Variants in TRIQK observed in about 807,000 individuals in gnomAD.
TRIQK encodes the protein triple QxxK/R motif-containing protein.
TRIQK carries 10 observed loss-of-function variants against 10.8 expected under a neutral mutation model. The ratio of observed to expected loss-of-function variants is 0.92; its 90% confidence interval spans 0.57 to 1.57. TRIQK has a LOEUF of 1.57. Ranked by LOEUF, TRIQK falls within the 40% of genes most tolerant of loss-of-function variation. The probability of loss-of-function intolerance (pLI) is 0.00; values close to 1 mark genes in which losing one functional copy is unlikely to be tolerated. For synonymous variants in TRIQK, 33 were observed against 33.7 expected, an observed-to-expected ratio of 0.98 and a Z score of 0.07; for missense variants, 107 against 97.7, an observed-to-expected ratio of 1.09 and a Z score of -0.40.
chr8:92,948,719 T>C (rs80069623), intron 2 of TRIQK, among the ~76,000 whole-genome samples: 1,967 of 152,306 alleles, frequency 0.013, 26 homozygotes, highest in Non-Finnish European at 0.022. Context: ...ATATACTCAA[T>C]AGACATTTTT....
chr8:92,917,563 C>T (rs887108382), intron 2 of TRIQK, among the ~76,000 whole-genome samples: 2 of 151,864 alleles, frequency 1.3e-5, no homozygotes, highest in Non-Finnish European at 2.9e-5. Context: ...ATGCTTATTA[C>T]CTTATATGCA....
At chr8:92,991,917 G>C (rs1250881020) in intron 1 of TRIQK, among the ~76,000 whole-genome samples, 1 of 152,056 alleles carries the variant, frequency 6.6e-6, no homozygotes, top group East Asian at 1.9e-4. Flanking sequence ...GCTACAAAGA[G>C]AATAAAATAC....
At chr8:93,011,163 T>C (rs1813328201) in intron 1 of TRIQK, among the ~76,000 whole-genome samples, 2 of 146,654 alleles carry the variant, frequency 1.4e-5, no homozygotes. Flanking sequence ...TGAATGTGTG[T>C]GTGTATACAC....
At chr8:92,952,724 T>C (rs1811970121) in intron 2 of TRIQK, among the ~76,000 whole-genome samples, 1 of 152,020 alleles carries the variant, frequency 6.6e-6, no homozygotes. Flanking sequence ...TACAAAGGTA[T>C]GACAGTCATT....
At chr8:92,944,112 A>G (rs1811402167) in intron 2 of TRIQK, among the ~76,000 whole-genome samples, 2 of 152,182 alleles carry the variant, frequency 1.3e-5, no homozygotes, top group Admixed American at 6.5e-5. Context: ...TTATATTAAA[A>G]TATCATTAAT....
rs116303505 is a variant in TRIQK at position 92,919,397 on chromosome 8, T to A, written c.-21-2387A>T. ...ACTTTTTCAGCATCTACTGAAATAA[T>A]CGTATGGTGTTTATTCTTGATTCTG... On this transcript the variant is annotated intron_variant, in intron 2 of 4. Transcript: ENST00000521988. Among the ~76,000 whole-genome samples, 925 of 151,996 alleles carry A rather than the reference T, an allele frequency of 6.1e-3. 9 individuals carry two copies. The highest frequency in any genetic ancestry group is 0.021 in the African/African-American group (863 of 41,526).
chr8:92,940,142 G>T (rs996370195), intron 2 of TRIQK, among the ~76,000 whole-genome samples: 15 of 152,048 alleles, frequency 9.9e-5, no homozygotes, highest in African/African-American at 3.6e-4. Context: ...TCTCTTCAGG[G>T]TCATCACCAG....
intron 1 of TRIQK, among the ~76,000 whole-genome samples, chr8:92,993,601 A>G (rs1364518764): frequency 1.3e-5 from 2 of 152,200 alleles, no homozygotes; most frequent in Admixed American, 6.5e-5. Flanking sequence ...GCCATCAGGT[A>G]GGCAGAATAA....
intron 1 of TRIQK, chr8:92,965,323 A>C (rs1229478558): frequency 6.6e-6 from 1 of 152,262 alleles, no homozygotes; most frequent in African/African-American, 2.4e-5. Context: ...ATCCACGCGG[A>C]CACCAACATC....
At chr8:92,920,861 T>C (rs1377570844) in intron 2 of TRIQK, among the ~76,000 whole-genome samples, 2 of 151,690 alleles carry the variant, frequency 1.3e-5, no homozygotes, top group Non-Finnish European at 3.0e-5. Flanking sequence ...TAAACCAATA[T>C]ACAGCAGTAC....
chr8:92,983,354 C>T (rs1275010647), intron 1 of TRIQK, among the ~76,000 whole-genome samples: 2 of 151,996 alleles, frequency 1.3e-5, no homozygotes, highest in Non-Finnish European at 2.9e-5. Context: ...AAACAACAGT[C>T]AAATTTCAGT....
chr8:92,948,370 T>C (rs1348564519), intron 2 of TRIQK, among the ~76,000 whole-genome samples: 3 of 152,156 alleles, frequency 2.0e-5, no homozygotes, highest in African/African-American at 7.2e-5. Context: ...TTAACAACAT[T>C]TAATCTCTAA....
At chr8:92,925,498 C>T (rs1586435288) in intron 2 of TRIQK, among the ~76,000 whole-genome samples, 1 of 152,094 alleles carries the variant, frequency 6.6e-6, no homozygotes, top group East Asian at 1.9e-4. Context: ...AAATAATTTG[C>T]ATCCAGAATG....
intron 2 of TRIQK, among the ~76,000 whole-genome samples, chr8:92,921,848 T>G (rs774692743): frequency 1.3e-5 from 2 of 151,820 alleles, no homozygotes; most frequent in Non-Finnish European, 3.0e-5. Context: ...CTAAATGCAT[T>G]TGAAATCTGT....
intron 3 of TRIQK, among the ~76,000 whole-genome samples, chr8:92,896,692 T>C (rs949177343): frequency 5.9e-5 from 9 of 152,202 alleles, no homozygotes; most frequent in Non-Finnish European, 1.2e-4. Context: ...TAAGATTTAA[T>C]GTTGTTTTCC....
intron 2 of TRIQK, among the ~76,000 whole-genome samples, chr8:92,925,100 C>A (rs1273146857): frequency 2.0e-5 from 3 of 152,108 alleles, no homozygotes; most frequent in African/African-American, 7.2e-5. Context: ...GAAAAGAAAT[C>A]TTAGTCGTTG....
chr8:92,905,102 A>C (rs1324120538), intron 3 of TRIQK, among the ~76,000 whole-genome samples: 1 of 152,232 alleles, frequency 6.6e-6, no homozygotes, highest in Non-Finnish European at 1.5e-5. Flanking sequence ...AAATCGATGA[A>C]CAGACACGTC....
chr8:92,903,374 T>A (rs1298549096), intron 3 of TRIQK, among the ~76,000 whole-genome samples: 1 of 152,284 alleles, frequency 6.6e-6, no homozygotes, highest in African/African-American at 2.4e-5. Context: ...AATGTCTACA[T>A]ATAAAGAATT....
At chr8:92,969,106 G>A (rs141323631), upstream of TRIQK, among the ~76,000 whole-genome samples, 1,608 of 152,206 alleles carry the variant, frequency 0.011, 18 homozygotes, top group Non-Finnish European at 0.016. Context: ...AGATCAGATG[G>A]TTGTAGGTGT....
Sources: allele counts gnomAD v4.1 joint callset (sites outside exome capture counted in the v4.1 genomes callset), GRCh38; gene constraint gnomAD v4.1.1; transcripts MANE v1.5; gene names NCBI Gene and HGNC (gene_info 2026-07-23, HGNC 2026-07-21).